Variants in JMJD1C observed in about 807,000 individuals in gnomAD.
The protein encoded by JMJD1C is jumonji domain containing 1C.
Under a neutral mutation model 245.3 loss-of-function variants are expected in JMJD1C, and 31 were observed. The ratio of observed to expected loss-of-function variants is 0.13; its 90% confidence interval spans 0.09 to 0.17. JMJD1C has a LOEUF of 0.17. JMJD1C is among the 10% of genes least tolerant of loss of function. The pLI, the probability that JMJD1C is intolerant of heterozygous loss-of-function variation, is 1.00. For missense variants in JMJD1C, 2,691 were observed against 3,000.2 expected (o/e 0.90, Z 2.41); for synonymous variants, 1,057 against 1,017.4 (o/e 1.04, Z -0.74).
chr10:63,346,571 T>TA (rs1197278370), intron 2 of JMJD1C, among the ~76,000 whole-genome samples: 1 of 152,180 alleles, frequency 6.6e-6, no homozygotes, highest in Admixed American at 6.5e-5. Flanking sequence ...ATAAAGCAAA[T>TA]AAACTATAAC....
At chr10:63,184,177 C>G (rs1197939330) in intron 21 of JMJD1C, among the ~76,000 whole-genome samples, 1 of 151,840 alleles carries the variant, frequency 6.6e-6, no homozygotes, top group Non-Finnish European at 1.5e-5. Context: ...CACCCACCCA[C>G]CTTGACCTCC....
At chr10:63,283,453 G>A (rs745992239) in intron 2 of JMJD1C, among the ~76,000 whole-genome samples, 1 of 148,238 alleles carries the variant, frequency 6.7e-6, no homozygotes, top group Non-Finnish European at 1.5e-5. Flanking sequence ...TGTGACCTCC[G>A]CTTCCCAAGT....
intron 1 of JMJD1C, among the ~76,000 whole-genome samples, chr10:63,477,185 G>T (rs1002202464): frequency 6.6e-6 from 1 of 151,830 alleles, no homozygotes; most frequent in African/African-American, 2.4e-5. Flanking sequence ...CAAATTTAAA[G>T]CAATCCCAAT....
In JMJD1C at chr10:63,190,952, C is replaced by T. The variant is rs370391950; in HGVS notation, c.6233G>A (p.Arg2078His). ...AATGCCAGCATCTGTAGACCCCACA[C>T]GTAGCTTTCCAGCTGTTGTAGTCAG... is the stretch of plus-strand genomic sequence containing the variant. ...DLLTTTAGKL[R>H]VGSTDAGIAF... is the part of the protein sequence containing the mutation. Residue 2078 changes from arginine to histidine, a missense_variant, in exon 17 of 26, where the codon CGT becomes CAT. Physicochemically the swap from Arg to His is conservative, Grantham distance 29. Around this residue, in one of 9 missense-constraint regions of JMJD1C, gnomAD observed 275 missense variants for 285.5 expected, o/e 0.96. Coordinates refer to ENST00000399262, the MANE Select transcript of JMJD1C (RefSeq NM_032776.3). The T allele has an allele frequency of 3.1e-6, 5 of 1,614,002 alleles. No individual in the cohort carries two copies. Among genetic ancestry groups the T allele is most frequent in the Non-Finnish European group, 2.5e-6 (3 of 1,179,966 alleles).
chr10:63,367,995 C>A (rs1945997032), intron 2 of JMJD1C, among the ~76,000 whole-genome samples: 1 of 152,154 alleles, frequency 6.6e-6, no homozygotes. Flanking sequence ...TCCTATCAGG[C>A]AATATTTATA....
chr10:63,372,125 G>T (rs1273806770), intron 2 of JMJD1C, among the ~76,000 whole-genome samples: 4 of 152,100 alleles, frequency 2.6e-5, no homozygotes, highest in Non-Finnish European at 5.9e-5. Flanking sequence ...CTTTGAGGGG[G>T]TTTCTTTTGG....
At position 63,208,269 on chromosome 10, in the gene JMJD1C, G is replaced by C; in HGVS notation, c.3400C>G (p.Gln1134Glu). The C allele has an allele frequency of 6.2e-7, 1 of 1,614,098 alleles. No individual in the cohort carries two copies. Among genetic ancestry groups the C allele is most frequent in the Non-Finnish European group, 8.5e-7 (1 of 1,179,988 alleles). ...GATGTTATAAATGAAGTCAGAGTTT[G>C]AGGATTAGCTGCTGCCGCTGCAAGG... ...NALAAAAANP[Q>E]TLTSFITSLS... The change falls in exon 10 of 26, where the codon CAA (glutamine) becomes GAA (glutamate). Residue 1134 changes from glutamine to glutamate, a missense_variant. Coordinates refer to ENST00000399262, the MANE Select transcript of JMJD1C (RefSeq NM_032776.3).
intron 2 of JMJD1C, among the ~76,000 whole-genome samples, chr10:63,367,224 A>T (rs951927916): frequency 3.3e-5 from 5 of 151,356 alleles, no homozygotes; most frequent in African/African-American, 4.8e-5. Flanking sequence ...TATTCACCCT[A>T]GTTTTTTTTT....
chr10:63,463,612 A>C (rs953103156), intron 1 of JMJD1C, among the ~76,000 whole-genome samples: 1 of 152,250 alleles, frequency 6.6e-6, no homozygotes, highest in African/African-American at 2.4e-5. Flanking sequence ...GGTAGATTCT[A>C]GGCTAAAAAA....
chr10:63,421,549 A>C (rs888091901), intron 1 of JMJD1C, among the ~76,000 whole-genome samples: 1 of 152,116 alleles, frequency 6.6e-6, no homozygotes, highest in Non-Finnish European at 1.5e-5. Flanking sequence ...TGAGTTGTAC[A>C]TTTGTACTTT....
chr10:63,308,619 AAAAC>A (rs946123345), intron 2 of JMJD1C, among the ~76,000 whole-genome samples: 1 of 151,594 alleles, frequency 6.6e-6, no homozygotes, highest in Non-Finnish European at 1.5e-5. Context: ...GAAAAAAAAA[AAAAC>A]AGTTGGAAGC....
At chr10:63,358,421 G>T (rs1386319694) in intron 2 of JMJD1C, among the ~76,000 whole-genome samples, 1 of 151,678 alleles carries the variant, frequency 6.6e-6, no homozygotes, top group East Asian at 1.9e-4. Flanking sequence ...TCTGAAGATA[G>T]ATACGGTGGT....
chr10:63,366,462 CTG>C (rs1945851207), intron 2 of JMJD1C, among the ~76,000 whole-genome samples: 1 of 152,186 alleles, frequency 6.6e-6, no homozygotes, highest in Non-Finnish European at 1.5e-5. Context: ...ATAATGAGTT[CTG>C]TGAGTTCTTC....
At chr10:63,492,514 A>C (rs1954209598) in intron 1 of JMJD1C, among the ~76,000 whole-genome samples, 1 of 152,014 alleles carries the variant, frequency 6.6e-6, no homozygotes, top group African/African-American at 2.4e-5. Context: ...AAAAATACAA[A>C]AATTAGCTGG....
At chr10:63,394,418 T>C (rs900187858) in intron 1 of JMJD1C, among the ~76,000 whole-genome samples, 2 of 152,192 alleles carry the variant, frequency 1.3e-5, no homozygotes, top group African/African-American at 4.8e-5. Flanking sequence ...ATCCATACTA[T>C]ATACAAAAAT....
chr10:63,309,667 C>T (rs1056720572), intron 2 of JMJD1C, among the ~76,000 whole-genome samples: 2 of 151,986 alleles, frequency 1.3e-5, no homozygotes, highest in Admixed American at 1.3e-4. Flanking sequence ...GCCTGTAATC[C>T]CAGCACTTTG....
At chr10:63,400,887 G>A (rs1169027441) in intron 1 of JMJD1C, among the ~76,000 whole-genome samples, 1 of 151,644 alleles carries the variant, frequency 6.6e-6, no homozygotes, top group African/African-American at 2.4e-5. Flanking sequence ...TGTTGTTGTT[G>A]TTTTTGTTTT....
intron 2 of JMJD1C, among the ~76,000 whole-genome samples, chr10:63,273,348 T>C (rs7909555): frequency 0.67 from 101,600 of 152,048 alleles, 36,429 homozygotes; most frequent in Non-Finnish European, 0.81. Context: ...AGTGCCACCA[T>C]ATCTGGCTAA....
At chr10:63,313,540 C>G (rs2134062367) in intron 2 of JMJD1C, among the ~76,000 whole-genome samples, 1 of 152,320 alleles carries the variant, frequency 6.6e-6, no homozygotes, top group East Asian at 1.9e-4. Flanking sequence ...ATTAGTCATA[C>G]TAGTTTACAT....
Sources: gnomAD v4.1 joint callset for allele counts (sites outside exome capture counted in the v4.1 genomes callset) on GRCh38, gnomAD v4.1.1 for gene constraint, gnomAD v4.1.1 regional missense constraint, MANE v1.5 for transcripts, NCBI Gene and HGNC (gene_info 2026-07-23, HGNC 2026-07-21) for gene names.